Variants in P2RY8 observed in about 807,000 individuals in gnomAD.
P2RY8 encodes the protein S-geranylgeranyl-glutathione receptor P2RY8.
Under a neutral mutation model 10.0 loss-of-function variants are expected in P2RY8, and 6 were observed. That is an observed-to-expected ratio of 0.60 (90% CI 0.33 to 1.19). The LOEUF (loss-of-function observed/expected upper bound fraction) is 1.19. Among genes scored for constraint, P2RY8 ranks in the 50% most tolerant of loss-of-function variants. The pLI is 0.04. For missense variants in P2RY8, 456 were observed against 542.0 expected (o/e 0.84, Z 1.58); for synonymous variants, 276 against 252.5 (o/e 1.09, Z -0.88).
chrX:1,489,096 C>G (rs1569537169), intron 1 of P2RY8, among the ~76,000 whole-genome samples: 2 of 151,158 alleles, frequency 1.3e-5, no homozygotes, highest in Non-Finnish European at 2.9e-5. Context: ...TGAATGACAC[C>G]CAAGATTCTC....
At chrX:1,522,843 C>T (rs1251307118) in intron 1 of P2RY8, among the ~76,000 whole-genome samples, 5 of 151,444 alleles carry the variant, frequency 3.3e-5, no homozygotes, top group Non-Finnish European at 7.4e-5. Context: ...CTAAGACAGG[C>T]GGATCACTCG....
intron 1 of P2RY8, among the ~76,000 whole-genome samples, chrX:1,530,547 C>T (rs1371979961): frequency 3.4e-5 from 5 of 149,090 alleles, no homozygotes; most frequent in African/African-American, 1.2e-4. Context: ...TGTATCTATT[C>T]TATCTATGTA....
intron 1 of P2RY8, among the ~76,000 whole-genome samples, chrX:1,504,726 C>T (rs1310257043): frequency 6.6e-6 from 1 of 152,176 alleles, no homozygotes; most frequent in Admixed American, 6.5e-5. Flanking sequence ...GTGGCTCACG[C>T]CTGTAATCCC....
At chrX:1,530,157 GATCTATCTATCTATCTATC>G (rs1408632170) in intron 1 of P2RY8, among the ~76,000 whole-genome samples, 7,289 of 42,244 alleles carry the variant, frequency 0.17, 237 homozygotes, top group East Asian at 0.31. Flanking sequence ...ATGTATGTAT[GATCTATCTATCTATCTATC>G]TATCTATCTA....
At chrX:1,480,916 A>AC (rs1556676705) in intron 1 of P2RY8, among the ~76,000 whole-genome samples, 40 of 149,860 alleles carry the variant, frequency 2.7e-4, no homozygotes, top group South Asian at 1.5e-3. Flanking sequence ...AAAAAAAAAA[A>AC]ACCATTTAAA....
At chrX:1,513,219 A>G (rs1481910354) in intron 1 of P2RY8, among the ~76,000 whole-genome samples, 1 of 146,396 alleles carries the variant, frequency 6.8e-6, no homozygotes, top group Non-Finnish European at 1.5e-5. Flanking sequence ...TTATGACTGC[A>G]TAGTATTCCA....
At chrX:1,494,495 T>C (rs1238179857) in intron 1 of P2RY8, 4 of 151,994 alleles carry the variant, frequency 2.6e-5, no homozygotes, top group Middle Eastern at 3.2e-3. Flanking sequence ...GGGGATTTTA[T>C]GTGTTTTTCT....
chrX:1,474,589 TGGATG>T (rs2091852912), intron 1 of P2RY8, among the ~76,000 whole-genome samples: 1 of 140,600 alleles, frequency 7.1e-6, no homozygotes, highest in Non-Finnish European at 1.5e-5. Flanking sequence ...GATGGATGGA[TGGATG>T]GATGGATGGA....
chrX:1,524,845 CCATCCACTCATCCATT>C (rs2092428866), intron 1 of P2RY8, among the ~76,000 whole-genome samples: 1 of 109,110 alleles, frequency 9.2e-6, no homozygotes, highest in Non-Finnish European at 2.2e-5. Context: ...ATCCATCCAT[CCATCCACTCATCCATT>C]CAACCATCCA....
intron 1 of P2RY8, among the ~76,000 whole-genome samples, chrX:1,482,294 A>AG (rs1491190292): frequency 1.4e-5 from 1 of 74,056 alleles, no homozygotes; most frequent in African/African-American, 9.5e-5. Context: ...CCATTTGGTG[A>AG]AAAAAAAAAA....
At chrX:1,500,612 T>C (rs1261380234) in intron 1 of P2RY8, among the ~76,000 whole-genome samples, 1 of 140,032 alleles carries the variant, frequency 7.1e-6, no homozygotes, top group African/African-American at 2.5e-5. Flanking sequence ...ACCCAGCTAA[T>C]TTTTGTATTT....
intron 1 of P2RY8, among the ~76,000 whole-genome samples, chrX:1,472,756 T>C (rs1232482259): frequency 2.2e-5 from 3 of 136,390 alleles, no homozygotes; most frequent in African/African-American, 8.5e-5. Context: ...GATAGATCAG[T>C]GTTTAGGTGG....
chrX:1,536,627 C>T (rs1331298361), intron 1 of P2RY8, among the ~76,000 whole-genome samples: 1 of 152,154 alleles, frequency 6.6e-6, no homozygotes, highest in Non-Finnish European at 1.5e-5. Flanking sequence ...GAACTCCTGA[C>T]CTCGTGATCC....
At chrX:1,521,949 T>TTTTTC (rs2092395558) in intron 1 of P2RY8, among the ~76,000 whole-genome samples, 1 of 112,972 alleles carries the variant, frequency 8.9e-6, no homozygotes, top group African/African-American at 3.5e-5. Context: ...GCTCTCTTTT[T>TTTTTC]TTTTTTTTTT....
Position 1,478,101 on chromosome X carries a change from C to T in P2RY8, c.-24-11519G>A, listed in dbSNP as rs1401603855. Among the ~76,000 whole-genome samples, 8 of 152,172 alleles carry T rather than the reference C, an allele frequency of 5.3e-5. No homozygotes were observed. In the South Asian group the frequency reaches 8.3e-4, roughly 16 times the overall value. On this transcript the variant is annotated intron_variant, in intron 1 of 1. Coordinates refer to ENST00000381297, the MANE Select transcript of P2RY8 (RefSeq NM_178129.5). ...GCCCCTGAGCTGGGGTGGGGTCAGACGTCAGAGCTGTGGCCAGAAGCAATA... is the reference window on the plus strand; with the variant it reads ...GCCCCTGAGCTGGGGTGGGGTCAGATGTCAGAGCTGTGGCCAGAAGCAATA...
At chrX:1,468,736 T>TCC (rs1569536419) in intron 1 of P2RY8, among the ~76,000 whole-genome samples, 11 of 82,968 alleles carry the variant, frequency 1.3e-4, no homozygotes, top group South Asian at 4.8e-4. Context: ...CTCTCCTCTC[T>TCC]CCTCTCTCCT....
At chrX:1,530,334 ATATC>A (rs201064045) in intron 1 of P2RY8, among the ~76,000 whole-genome samples, 4 of 150,946 alleles carry the variant, frequency 2.6e-5, no homozygotes, top group Non-Finnish European at 5.9e-5. Context: ...ATGTATGTAC[ATATC>A]TATCTATCTT....
intron 1 of P2RY8, among the ~76,000 whole-genome samples, chrX:1,525,361 G>T (rs1364904444): frequency 6.6e-6 from 1 of 152,138 alleles, no homozygotes; most frequent in Non-Finnish European, 1.5e-5. Context: ...AATCCTATGG[G>T]ACTGGGGTCC....
chrX:1,516,769 G>T (rs2092353986), intron 1 of P2RY8, among the ~76,000 whole-genome samples: 2 of 151,770 alleles, frequency 1.3e-5, no homozygotes, highest in Admixed American at 6.6e-5. Context: ...AAGAGGAGAT[G>T]AGGACACAGA....
Sources: allele counts gnomAD v4.1 joint callset (sites outside exome capture counted in the v4.1 genomes callset), GRCh38; gene constraint gnomAD v4.1.1; transcripts MANE v1.5; gene names NCBI Gene and HGNC (gene_info 2026-07-23, HGNC 2026-07-21).